The following WNT7A variants were observed in gnomAD, a reference collection of about 807,000 sequenced individuals.
The protein encoded by WNT7A is protein Wnt-7a.
Under a neutral mutation model 28.2 loss-of-function variants are expected in WNT7A, and 16 were observed. The ratio of observed to expected loss-of-function variants is 0.57; its 90% CI spans 0.38 to 0.86. The LOEUF (loss-of-function observed/expected upper bound fraction) is 0.86. Among genes scored for constraint, WNT7A ranks in the 40% least tolerant of loss-of-function variants. The pLI is 0.00. For missense variants in WNT7A, 411 were observed against 489.7 expected (o/e 0.84, Z 1.52); for synonymous variants, 190 against 195.9 (o/e 0.97, Z 0.25).
In WNT7A at chr3:13,875,055, C is replaced by G. The variant is rs776209089; in HGVS notation, c.190G>C (p.Glu64Gln). 1.9e-6 allele frequency: 3 copies of G among 1,614,132 alleles called. No individual in the cohort carries two copies. The highest frequency in any genetic ancestry group is 2.5e-6 in the Non-Finnish European group (3 of 1,180,054). The change falls in exon 2 of 4, where the codon GAA becomes CAA. Residue 64 changes from glutamate (E) to glutamine (Q), a missense_variant. Physicochemically the swap from Glu to Gln is conservative, Grantham distance 29. Transcript: ENST00000285018. ...SRPDAIIVIG[E>Q]GSQMGLDECQ... ...TCGTCCAGGCCCATTTGTGAGCCTT[C>G]TCCTATGACGATGATGGCGTCGGGC...
At chr3:13,868,181 G>A (rs1367009415) in intron 2 of WNT7A, among the ~76,000 whole-genome samples, 1 of 152,024 alleles carries the variant, frequency 6.6e-6, no homozygotes, top group Admixed American at 6.5e-5. Flanking sequence ...GTAAATTCGA[G>A]GAAGGTCACA....
At chr3:13,819,483 GC>G (rs1292852446) in intron 3 of WNT7A, 60 bp from the exon 4 acceptor site, 4 of 1,579,608 alleles carry the variant, frequency 2.5e-6, no homozygotes, top group South Asian at 2.3e-5. Flanking sequence ...GCCAAGTGCA[GC>G]CCCCAGCTCC....
At chr3:13,828,180 G>A (rs1054652707) in intron 3 of WNT7A, among the ~76,000 whole-genome samples, 11 of 152,166 alleles carry the variant, frequency 7.2e-5, no homozygotes, top group South Asian at 4.1e-4. Flanking sequence ...GGGATTCTGC[G>A]CACACAGAAG....
At chr3:13,845,488 T>C (rs1051463763) in intron 3 of WNT7A, among the ~76,000 whole-genome samples, 1 of 152,262 alleles carries the variant, frequency 6.6e-6, no homozygotes, top group African/African-American at 2.4e-5. Context: ...ACAGTGCAGC[T>C]ATAAGCAGTT....
intron 2 of WNT7A, among the ~76,000 whole-genome samples, chr3:13,863,442 A>G (rs9861765): frequency 0.2 from 29,535 of 149,850 alleles, 4,695 homozygotes; most frequent in African/African-American, 0.45. Flanking sequence ...GTATGTGTAT[A>G]TGTGTGTGTG....
In WNT7A at chr3:13,831,378, G is replaced by A. The variant is rs377686992; in HGVS notation, c.571-11955C>T. The stretch of plus-strand genomic sequence containing the variant: ...GACTGGGGAGACAAGGGGTGGCAGT[G>A]CGGACCACAGTCACACAGTCAGGAA... On this transcript the variant is annotated intron_variant, in intron 3 of 3. Coordinates refer to ENST00000285018, the MANE Select transcript of WNT7A (RefSeq NM_004625.4). Among the ~76,000 whole-genome samples the A allele has an allele frequency of 2.6e-4, 40 of 152,322 alleles. 1 individual carries two copies. The highest frequency in any genetic ancestry group is 8.3e-4 in the South Asian group (4 of 4,834).
intron 3 of WNT7A, among the ~76,000 whole-genome samples, chr3:13,851,425 C>A (rs1484370934): frequency 6.6e-6 from 1 of 152,266 alleles, no homozygotes; most frequent in East Asian, 1.9e-4. Flanking sequence ...GAACTGCCCT[C>A]TTCCTTCCTG....
intron 2 of WNT7A, among the ~76,000 whole-genome samples, chr3:13,856,333 C>G (rs1351873283): frequency 2.6e-5 from 4 of 152,236 alleles, no homozygotes; most frequent in African/African-American, 9.6e-5. Context: ...TGAGAAGGTA[C>G]AGGAGAAGGG....
At chr3:13,832,439 A>T (rs1164878018) in intron 3 of WNT7A, among the ~76,000 whole-genome samples, 1 of 120,748 alleles carries the variant, frequency 8.3e-6, no homozygotes, top group Admixed American at 8.3e-5. Context: ...CTCTTTCTCA[A>T]GCTTCTCCTT....
chr3:13,860,610 C>T (rs1019969900), intron 2 of WNT7A, among the ~76,000 whole-genome samples: 1 of 152,072 alleles, frequency 6.6e-6, no homozygotes, highest in African/African-American at 2.4e-5. Flanking sequence ...GATAGGGAAA[C>T]TGAGGCTTGG....
intron 3 of WNT7A, among the ~76,000 whole-genome samples, chr3:13,825,491 G>C (rs1262378552): frequency 6.6e-6 from 1 of 152,224 alleles, no homozygotes; most frequent in African/African-American, 2.4e-5. Context: ...CTGTTACGTA[G>C]TGTTTCCCAA....
intron 3 of WNT7A, among the ~76,000 whole-genome samples, chr3:13,836,121 C>T (rs1448387888): frequency 6.6e-6 from 1 of 151,396 alleles, no homozygotes; most frequent in Non-Finnish European, 1.5e-5. Context: ...ACTGTGAATA[C>T]CCTAAAAACC....
At position 13,816,724 on chromosome 3, in the gene WNT7A, T is replaced by A. The variant is rs1449970085; in HGVS notation, c.*2220A>T. On this transcript the variant is annotated 3_prime_UTR_variant, in exon 4 of 4. Transcript: ENST00000285018. ...ACCCACCCACTTTCCTAGCTATTCA[T>A]CCATTCATCCGCTCACTTATCAATC... is the stretch of plus-strand genomic sequence containing the variant. The A allele has an allele frequency of 6.6e-6, 1 of 151,952 alleles. No homozygotes were observed. 9.4% of individuals were successfully genotyped at this position (151,952 alleles called of 1,614,324 possible).
intron 3 of WNT7A, among the ~76,000 whole-genome samples, chr3:13,820,766 C>T (rs1035381838): frequency 2.0e-5 from 3 of 152,114 alleles, no homozygotes; most frequent in African/African-American, 7.2e-5. Context: ...GCTCTCCTTC[C>T]AGGAGAGGTG....
rs550466032 is a variant in WNT7A at position 13,843,089 on chromosome 3, A to G, written c.570+11443T>C. On this transcript the variant is annotated intron_variant, in intron 3 of 3. Transcript: ENST00000285018. ...GCCCTCCCTGCTCAGTGCAGCAAAA[A>G]ATCTCAATGGCGACCTGGACCGCTC... is the stretch of plus-strand genomic sequence containing the variant. Among the ~76,000 whole-genome samples the G allele has an allele frequency of 8.5e-5, 13 of 152,208 alleles. No homozygotes were observed. In the South Asian group the frequency reaches 2.3e-3, roughly 27 times the overall value.
chr3:13,868,591 G>A (rs60573380), intron 2 of WNT7A, among the ~76,000 whole-genome samples: 2,291 of 13,164 alleles, frequency 0.17, 713 homozygotes, highest in Admixed American at 0.23. Context: ...AGAGAGAGAG[G>A]GAGAAAGAAA....
At chr3:13,835,621 G>A (rs1210848829) in intron 3 of WNT7A, among the ~76,000 whole-genome samples, 2 of 152,198 alleles carry the variant, frequency 1.3e-5, no homozygotes, top group Non-Finnish European at 2.9e-5. Flanking sequence ...GCTCTGTCAG[G>A]GACAACCCCA....
chr3:13,848,582 C>A (rs573684288), intron 3 of WNT7A, among the ~76,000 whole-genome samples: 134 of 152,268 alleles, frequency 8.8e-4, no homozygotes, highest in South Asian at 2.5e-3. Context: ...AGTGATGTCA[C>A]CAAATGCTGG....
At chr3:13,866,639 T>C (rs1694915196) in intron 2 of WNT7A, among the ~76,000 whole-genome samples, 1 of 152,126 alleles carries the variant, frequency 6.6e-6, no homozygotes, top group Admixed American at 6.5e-5. Flanking sequence ...CGAGCCAAGC[T>C]GGCAAAGAGC....
Sources: allele counts gnomAD v4.1 joint callset (sites outside exome capture counted in the v4.1 genomes callset), GRCh38; gene constraint gnomAD v4.1.1; transcripts MANE v1.5; gene names NCBI Gene and HGNC (gene_info 2026-07-23, HGNC 2026-07-21).